The following GTSE1 variants were observed in gnomAD, a reference collection of about 807,000 sequenced individuals.
GTSE1 encodes G2 and S-phase expressed 1.
A neutral mutation model predicts 60.5 loss-of-function variants in GTSE1; 52 were observed. The observed-to-expected ratio is 0.86, with a 90% CI of 0.69 to 1.08. The LOEUF (loss-of-function observed/expected upper bound fraction) is 1.08. GTSE1 is among the 50% of genes least tolerant of loss of function. The pLI is 0.00. For missense variants in GTSE1, 937 were observed against 961.8 expected, an observed-to-expected ratio of 0.97 and a Z score of 0.34; for synonymous variants, 368 against 386.5, an observed-to-expected ratio of 0.95 and a Z score of 0.56.
chr22:46,315,956 C>T, intron 6 of GTSE1, 76 bp from the exon 7 acceptor site: 1 of 1,129,582 alleles, frequency 8.9e-7, no homozygotes. Flanking sequence ...ATGCTAAAGA[C>T]AGCATAACTT....
chr22:46,321,942 C>T lies in GTSE1; in HGVS notation c.1433-1248C>T, dbSNP rs990646207. Among the ~76,000 whole-genome samples, 2 of 152,006 alleles carry T rather than the reference C, an allele frequency of 1.3e-5. No homozygotes were observed. Among genetic ancestry groups the T allele is most frequent in the South Asian group, 2.1e-4 (1 of 4,812 alleles). ...TACAAAAATTATCCGGGCGTGGTGG[C>T]GGGCACCTATAATTCCAGCTACTCA... On this transcript the variant is annotated intron_variant, in intron 7 of 11. Coordinates refer to ENST00000454366, the MANE Select transcript of GTSE1 (RefSeq NM_016426.7). The surrounding 1 kb of genome is among the most constrained non-coding windows in gnomAD (Gnocchi z 4.0).
Position 46,316,176 on chromosome 22 carries a change from G to GCT in GTSE1, c.1196_1197insCT (p.Val400TrpfsTer33). On this transcript the variant is annotated frameshift_variant, in exon 7 of 12. Transcript: ENST00000454366. LOFTEE classifies it high-confidence loss of function. The surrounding 1 kb of genome is among the most constrained non-coding windows in gnomAD (Gnocchi z 5.0). ...GGGGCATCCTCCTGGCAGGCCAAGC[G>GCT]GGTCGATGTTTCTGAGCTGGCAGCG... 6.2e-7 allele frequency: 1 copy of GCT among 1,613,462 alleles called. No individual in the cohort carries two copies. Among genetic ancestry groups the GCT allele is most frequent in the Non-Finnish European group, 8.5e-7 (1 of 1,179,726 alleles).
At chr22:46,300,565 T>A (rs920297755) in intron 2 of GTSE1, among the ~76,000 whole-genome samples, 8 of 152,218 alleles carry the variant, frequency 5.3e-5, no homozygotes, top group African/African-American at 1.9e-4. Flanking sequence ...TTTGATATTT[T>A]CTCAGAGGTG....
At chr22:46,301,470 C>T (rs1410099370) in intron 2 of GTSE1, among the ~76,000 whole-genome samples, 1 of 134,346 alleles carries the variant, frequency 7.4e-6, no homozygotes, top group Non-Finnish European at 1.6e-5. Context: ...ATTCTCAGAG[C>T]AAGTTTATTT....
At chr22:46,322,755 G>A (rs2077820562) in intron 7 of GTSE1, among the ~76,000 whole-genome samples, 2 of 152,230 alleles carry the variant, frequency 1.3e-5, no homozygotes, top group Non-Finnish European at 1.5e-5. Context: ...TCGGGAAAAT[G>A]AGGGAATGTG....
chr22:46,327,197 G>C (rs1285427505), intron 9 of GTSE1: 9 of 151,806 alleles, frequency 5.9e-5, no homozygotes, highest in African/African-American at 2.2e-4. Context: ...GTGAGACCCC[G>C]TCTGTAAAAA....
chr22:46,313,761 C>T lies in GTSE1; in HGVS notation c.928-129C>T, dbSNP rs932656825. 1.1e-6 allele frequency: 1 copy of T among 921,680 alleles called. No homozygotes were observed. Among genetic ancestry groups the T allele is most frequent in the Non-Finnish European group, 1.7e-6 (1 of 596,058 alleles). The allele number at this position is 921,680 out of a possible 1,614,324, so 57.1% of individuals were successfully genotyped here. A position where few individuals can be genotyped will look rare whatever the true frequency, so the allele number is the denominator to read the frequency against. The stretch of plus-strand genomic sequence containing the variant: ...TGACCTTGTGATCCTCCGGCCTCAG[C>T]CTCCCAAAGTGCTGGGATTACAGGC... On this transcript the variant is annotated intron_variant, in intron 5 of 11. Coordinates refer to ENST00000454366, the MANE Select transcript of GTSE1 (RefSeq NM_016426.7). This position sits in a 1 kb window ranked among gnomAD's most constrained non-coding sequence, Gnocchi z 4.4.
chr22:46,330,095 AAGG>A lies in GTSE1; in HGVS notation c.2188_2190del (p.Glu730del), dbSNP rs1290249928. The A allele has an allele frequency of 6.2e-7, 1 of 1,611,400 alleles. No individual in the cohort carries two copies. The highest frequency in any genetic ancestry group is 1.3e-5 in the African/African-American group (1 of 74,890). ...GATCCAGCTGAGCCCTGAGGCTGAC[AAGG>A]AGAACGTGGATTCCCCACTCCTCAA... On this transcript the variant is annotated inframe_deletion, in exon 12 of 12. Transcript: ENST00000454366. The surrounding 1 kb of genome is among the most constrained non-coding windows in gnomAD (Gnocchi z 6.0).
Position 46,308,872 on chromosome 22 carries a change from C to G in GTSE1, c.691C>G (p.Pro231Ala). 1 of 1,613,220 alleles carries G rather than the reference C, an allele frequency of 6.2e-7. No individual in the cohort carries two copies. The highest frequency in any genetic ancestry group is 1.1e-5 in the South Asian group (1 of 91,092). ...AASQAATQRKPGTKLLLPRAA... is the reference protein window; with the variant it reads ...AASQAATQRKAGTKLLLPRAA... ...AAGTCAGGCAGCGACTCAGAGGAAG[C>G]CCGGGACCAAATTGCTGCTGCCTCG... The change falls in exon 4 of 12, where the codon CCC becomes GCC. Residue 231 changes from proline to alanine, a missense_variant. By Grantham distance (27) the Pro-to-Ala change is conservative. Transcript: ENST00000454366.
At position 46,311,378 on chromosome 22, in the gene GTSE1, G is replaced by A. The variant is rs145125126; in HGVS notation, c.763-763G>A. Reference sequence around the variant, plus strand: ...CAGGCGTGAGCCACTGCACCCGGCCGAGTACAGGTTCTTTTTTGGGACACC... The same window carrying A: ...CAGGCGTGAGCCACTGCACCCGGCCAAGTACAGGTTCTTTTTTGGGACACC... On this transcript the variant is annotated intron_variant, in intron 4 of 11. Transcript: ENST00000454366. Among the ~76,000 whole-genome samples, 1,050 of 152,242 alleles carry A rather than the reference G, an allele frequency of 6.9e-3. 13 individuals are homozygous for A. Among genetic ancestry groups the A allele is most frequent in the African/African-American group, 0.025 (1,018 of 41,548 alleles).
Position 46,314,470 on chromosome 22 carries a change from A to T in GTSE1, c.1051+457A>T, listed in dbSNP as rs1415819797. On this transcript the variant is annotated intron_variant, in intron 6 of 11. Transcript: ENST00000454366. This position sits in a 1 kb window ranked among gnomAD's most constrained non-coding sequence, Gnocchi z 7.1. ...AAGCCACAGCTGCCATCTAGTGGTA[A>T]GGGAAAGCCTTCGCCTTTCTGCTCT... 1.3e-5 allele frequency among the ~76,000 whole-genome samples: 2 copies of T among 152,120 alleles called. No homozygotes were observed. Among genetic ancestry groups the T allele is most frequent in the East Asian group, 3.9e-4 (2 of 5,182 alleles).
intron 2 of GTSE1, among the ~76,000 whole-genome samples, chr22:46,301,790 C>T (rs2077690870): frequency 6.6e-6 from 1 of 152,108 alleles, no homozygotes; most frequent in Non-Finnish European, 1.5e-5. Context: ...CGCCCAGCCT[C>T]ATTACTCTTA....
intron 4 of GTSE1, among the ~76,000 whole-genome samples, chr22:46,311,066 T>C (rs890024649): frequency 6.6e-6 from 1 of 151,336 alleles, no homozygotes; most frequent in Non-Finnish European, 1.5e-5. Flanking sequence ...CAGGTTGTTT[T>C]TTTTTTTGTT....
chr22:46,329,517 A>T lies in GTSE1; in HGVS notation c.2086A>T (p.Thr696Ser), dbSNP rs1347706706. 22 of 1,613,846 alleles carry T rather than the reference A, an allele frequency of 1.4e-5. No homozygotes were observed. The highest frequency in any genetic ancestry group is 1.9e-5 in the Non-Finnish European group (22 of 1,179,982). ...GCCTCTGATCGACCTCATGACAAAC[A>T]CTCCAGACATGAATAAAAATGTGGC... ...SRPLIDLMTN[T>S]PDMNKNVAKP... Residue 696 changes from threonine (T) to serine (S), a missense_variant, in exon 11 of 12, where the codon ACT becomes TCT. By Grantham distance (58) the Thr-to-Ser change is moderately conservative. Transcript: ENST00000454366. The surrounding 1 kb of genome is among the most constrained non-coding windows in gnomAD (Gnocchi z 6.4).
chr22:46,322,117 G>GT (rs1269549750), intron 7 of GTSE1, among the ~76,000 whole-genome samples: 1 of 148,886 alleles, frequency 6.7e-6, no homozygotes, highest in African/African-American at 2.5e-5. Flanking sequence ...GAGAGGAAAT[G>GT]TAAGTGCAGG....
chr22:46,310,035 G>A lies in GTSE1; in HGVS notation c.762+1092G>A, dbSNP rs1601905615. ...TGGGTGGTGAGCTGGGGTCCAGAGA[G>A]CTTGTTCCCAGTGGACAGGGCACTG... On this transcript the variant is annotated intron_variant, in intron 4 of 11. Transcript: ENST00000454366. The surrounding 1 kb of genome is among the most constrained non-coding windows in gnomAD (Gnocchi z 4.4). 6.6e-6 allele frequency among the ~76,000 whole-genome samples: 1 copy of A among 152,234 alleles called. No individual in the cohort carries two copies. The highest frequency in any genetic ancestry group is 1.9e-4 in the East Asian group (1 of 5,188).
At chr22:46,300,879 CTA>C (rs917480644) in intron 2 of GTSE1, among the ~76,000 whole-genome samples, 11 of 152,198 alleles carry the variant, frequency 7.2e-5, no homozygotes, top group African/African-American at 2.4e-4. Context: ...CTCTATATCT[CTA>C]AGTCACCTAC....
chr22:46,315,699 A>ATGT (rs2077775043), intron 6 of GTSE1, among the ~76,000 whole-genome samples: 1 of 152,224 alleles, frequency 6.6e-6, no homozygotes, highest in Non-Finnish European at 1.5e-5. Flanking sequence ...CAGACAGGTG[A>ATGT]GACATGTGAC....
intron 9 of GTSE1, 84 bp downstream of exon 9, chr22:46,326,738 C>A: frequency 1.1e-6 from 1 of 951,688 alleles, no homozygotes; most frequent in Non-Finnish European, 1.6e-6. Flanking sequence ...TCTTGCCTTG[C>A]TCCAGGTTTT....
Sources: gnomAD v4.1 joint callset for allele counts (sites outside exome capture counted in the v4.1 genomes callset) on GRCh38, gnomAD v4.1.1 for gene constraint, Gnocchi (gnomAD v3.1) non-coding constraint, MANE v1.5 for transcripts, NCBI Gene and HGNC (gene_info 2026-07-23, HGNC 2026-07-21) for gene names.